MICU1: variants seen among roughly 807,000 people sequenced by gnomAD.
The protein encoded by MICU1 is mitochondrial calcium uptake 1.
In MICU1, 45 loss-of-function variants were observed where a neutral mutation model predicts 56.8. The observed-to-expected ratio is 0.79, with a 90% CI of 0.62 to 1.02. The LOEUF is 1.02. MICU1 is among the 50% of genes least tolerant of loss of function. MICU1 has a pLI of 0.00. For missense variants in MICU1, 504 were observed against 587.1 expected (o/e 0.86, Z 1.46); for synonymous variants, 186 against 195.1 (o/e 0.95, Z 0.39).
chr10:72,547,021 A>C (rs892208693), intron 4 of MICU1, among the ~76,000 whole-genome samples: 1 of 151,830 alleles, frequency 6.6e-6, no homozygotes, highest in African/African-American at 2.4e-5. Flanking sequence ...CCTCCCGAGT[A>C]GCTGGGACTA....
At chr10:72,578,183 A>G (rs1840799173) in intron 1 of MICU1, among the ~76,000 whole-genome samples, 1 of 152,184 alleles carries the variant, frequency 6.6e-6, no homozygotes, top group Admixed American at 6.5e-5. Context: ...AGCCATCAAC[A>G]TGGAGGCAAG....
chr10:72,437,883 C>T (rs902287903), intron 8 of MICU1, among the ~76,000 whole-genome samples: 1 of 152,182 alleles, frequency 6.6e-6, no homozygotes, highest in African/African-American at 2.4e-5. Context: ...TACAGGAGCA[C>T]CCAGATTCAT....
At chr10:72,385,231 T>G (rs1226764686) in intron 10 of MICU1, among the ~76,000 whole-genome samples, 1 of 152,164 alleles carries the variant, frequency 6.6e-6, no homozygotes, top group African/African-American at 2.4e-5. Context: ...GGCTCACGTC[T>G]ATAAATCCAA....
At chr10:72,426,398 A>AT (rs201257033) in intron 8 of MICU1, among the ~76,000 whole-genome samples, 2,381 of 135,578 alleles carry the variant, frequency 0.018, 30 homozygotes, top group African/African-American at 0.036. Flanking sequence ...AGCATTCTGG[A>AT]TTTTTTTTTT....
At chr10:72,398,468 C>T (rs887157273) in intron 10 of MICU1, among the ~76,000 whole-genome samples, 1 of 146,876 alleles carries the variant, frequency 6.8e-6, no homozygotes, top group African/African-American at 2.5e-5. Context: ...GATAGAGACA[C>T]AAAAAAAACC....
chr10:72,587,646 T>C (rs1841100068), intron 1 of MICU1, among the ~76,000 whole-genome samples: 1 of 151,772 alleles, frequency 6.6e-6, no homozygotes. Context: ...TAGCTGGACA[T>C]GGTGGTGCAC....
intron 5 of MICU1, among the ~76,000 whole-genome samples, chr10:72,512,096 AGTTGTTTTTT>A (rs1867471709): frequency 2.6e-5 from 3 of 116,824 alleles, no homozygotes; most frequent in Non-Finnish European, 4.8e-5. Context: ...ATCCATACAC[AGTTGTTTTTT>A]GTTTTTTTTT....
intron 8 of MICU1, among the ~76,000 whole-genome samples, chr10:72,431,090 G>GTCTGTCTA (rs1455473136): frequency 9.8e-6 from 1 of 101,956 alleles, no homozygotes; most frequent in African/African-American, 3.9e-5. Flanking sequence ...ACCTTTATCT[G>GTCTGTCTA]TCTGTCTATC....
intron 8 of MICU1, among the ~76,000 whole-genome samples, chr10:72,423,877 T>C (rs1214098726): frequency 6.6e-6 from 1 of 152,092 alleles, no homozygotes; most frequent in African/African-American, 2.4e-5. Context: ...TTTTCAAGTT[T>C]CCCCAAAATA....
intron 10 of MICU1, among the ~76,000 whole-genome samples, chr10:72,405,223 A>C: frequency 6.6e-6 from 1 of 151,362 alleles, no homozygotes; most frequent in East Asian, 2.0e-4. Context: ...TAATTTAATT[A>C]ATTAATTAAT....
intron 8 of MICU1, among the ~76,000 whole-genome samples, chr10:72,456,175 T>C: frequency 6.6e-6 from 1 of 152,194 alleles, no homozygotes; most frequent in Non-Finnish European, 1.5e-5. Flanking sequence ...CAAGATAAAC[T>C]GCTGGCATGG....
At chr10:72,615,847 G>A (rs889047346) in intron 1 of MICU1, among the ~76,000 whole-genome samples, 9 of 152,068 alleles carry the variant, frequency 5.9e-5, no homozygotes, top group Admixed American at 1.3e-4. Context: ...AAAATTAGCC[G>A]GGCGTGCGGC....
chr10:72,390,210 A>G (rs565281792), intron 10 of MICU1, among the ~76,000 whole-genome samples: 1 of 152,344 alleles, frequency 6.6e-6, no homozygotes, highest in East Asian at 1.9e-4. Flanking sequence ...AAGAAAAAAA[A>G]GAAATGTGAC....
At chr10:72,599,882 C>T (rs1470300978) in intron 1 of MICU1, among the ~76,000 whole-genome samples, 2 of 152,176 alleles carry the variant, frequency 1.3e-5, no homozygotes, top group African/African-American at 4.8e-5. Context: ...TAAAGTGCTT[C>T]TTTTAAGTGG....
intron 4 of MICU1, among the ~76,000 whole-genome samples, chr10:72,548,622 GATGTAAACAT>G (rs1343007950): frequency 6.6e-6 from 1 of 152,170 alleles, no homozygotes; most frequent in Non-Finnish European, 1.5e-5. Flanking sequence ...GAAGCTAAGT[GATGTAAACAT>G]ATGGGTTGAT....
At chr10:72,438,889 G>A (rs1346623025) in intron 8 of MICU1, among the ~76,000 whole-genome samples, 1 of 152,174 alleles carries the variant, frequency 6.6e-6, no homozygotes, top group Admixed American at 6.5e-5. Context: ...AACAGGCTCT[G>A]AAATTCAGGC....
chr10:72,413,065 C>T (rs757894923), intron 9 of MICU1, among the ~76,000 whole-genome samples: 49 of 151,742 alleles, frequency 3.2e-4, no homozygotes, highest in Admixed American at 5.3e-4. Context: ...GGCATGGTGG[C>T]ATGTGCTTGT....
intron 4 of MICU1, among the ~76,000 whole-genome samples, chr10:72,536,087 A>T (rs779910459): frequency 6.6e-6 from 1 of 152,112 alleles, no homozygotes; most frequent in Non-Finnish European, 1.5e-5. Context: ...ACTAGAAAAG[A>T]TTTGTTAAAG....
chr10:72,401,435 C>A (rs1255489530), intron 10 of MICU1, among the ~76,000 whole-genome samples: 1 of 152,156 alleles, frequency 6.6e-6, no homozygotes, highest in Non-Finnish European at 1.5e-5. Context: ...GGGCAGATCA[C>A]TTGAGGTCAG....
Sources: gnomAD v4.1 joint callset for allele counts (sites outside exome capture counted in the v4.1 genomes callset) on GRCh38, gnomAD v4.1.1 for gene constraint, MANE v1.5 for transcripts, NCBI Gene and HGNC (gene_info 2026-07-23, HGNC 2026-07-21) for gene names.